NDUFAF3: variants seen among roughly 807,000 people sequenced by gnomAD.
NDUFAF3 encodes the protein NADH:ubiquinone oxidoreductase complex assembly factor 3.
In NDUFAF3, 21 loss-of-function variants were observed where a neutral mutation model predicts 22.6. The ratio of observed to expected loss-of-function variants is 0.93; its 90% confidence interval spans 0.66 to 1.34. The LOEUF is 1.34. Among genes scored for constraint, NDUFAF3 ranks in the 40% most tolerant of loss-of-function variants. NDUFAF3 has a pLI of 0.00. For missense variants in NDUFAF3, 251 were observed against 248.4 expected, an observed-to-expected ratio of 1.01 and a Z score of -0.07; for synonymous variants, 113 against 104.9, an observed-to-expected ratio of 1.08 and a Z score of -0.47.
At chr3:49,022,064 A>G, upstream of NDUFAF3, 1 of 1,461,896 alleles carries the variant, frequency 6.8e-7, no homozygotes, top group Non-Finnish European at 9.3e-7. The surrounding 1 kb of genome is among the most constrained non-coding windows in gnomAD (Gnocchi z 6.6). Flanking sequence ...CGCTGCAGCC[A>G]CGCTGGGTCA....
At position 49,023,238 on chromosome 3, in the gene NDUFAF3, C is replaced by T; in HGVS notation, c.*66C>T. 1 of 1,163,554 alleles carries T rather than the reference C, an allele frequency of 8.6e-7. No homozygotes were observed. The highest frequency in any genetic ancestry group is 1.3e-6 in the Non-Finnish European group (1 of 770,428). 72.1% of individuals were successfully genotyped at this position (1,163,554 alleles called of 1,614,324 possible). On this transcript the variant is annotated 3_prime_UTR_variant, in exon 5 of 5. Transcript: ENST00000326925. Reference sequence around the variant, plus strand: ...TCCCAATGCTTTCACTCTTATCTACCCTTTGGCACTTATCTTGCTTATCAA... The same window carrying T: ...TCCCAATGCTTTCACTCTTATCTACTCTTTGGCACTTATCTTGCTTATCAA...
rs1202903345 is a variant in NDUFAF3, at chr3:49,022,234, C to G, written c.77+13C>G. 1 of 1,610,488 alleles carries G rather than the reference C, an allele frequency of 6.2e-7. No homozygotes were observed. Among genetic ancestry groups the G allele is most frequent in the African/African-American group, 1.3e-5 (1 of 75,040 alleles). On this transcript the variant is annotated intron_variant, in intron 1 of 4. Coordinates refer to ENST00000326925, the MANE Select transcript of NDUFAF3 (RefSeq NM_199069.2). The surrounding 1 kb of genome is among the most constrained non-coding windows in gnomAD (Gnocchi z 6.6). ...TTGAGCTTCCCTGGTGAGCTTGGAC[C>G]CCGCGCCCTCGACCATCCAGCCCCC...
chr3:49,022,550 C>G lies in NDUFAF3; in HGVS notation c.270+12C>G. The G allele has an allele frequency of 6.2e-7, 1 of 1,613,360 alleles. No homozygotes were observed. Among genetic ancestry groups the G allele is most frequent in the South Asian group, 1.1e-5 (1 of 91,076 alleles). On this transcript the variant is annotated intron_variant, in intron 2 of 4. Coordinates refer to ENST00000326925, the MANE Select transcript of NDUFAF3 (RefSeq NM_199069.2). This position sits in a 1 kb window ranked among gnomAD's most constrained non-coding sequence, Gnocchi z 6.6. ...TGGTGCAGTGGAACGTGAGTCCTGGCCCGCAGTGTGGAAACTGAGGCCCAG... is the reference window on the plus strand; with the variant it reads ...TGGTGCAGTGGAACGTGAGTCCTGGGCCGCAGTGTGGAAACTGAGGCCCAG...
At chr3:49,020,990 C>G (rs2093151340), upstream of NDUFAF3, 1 of 167,966 alleles carries the variant, frequency 6.0e-6, no homozygotes, top group South Asian at 1.0e-4. Flanking sequence ...GGGCGGGCTT[C>G]GGAATCCGTC....
chr3:49,022,796 G>C lies in NDUFAF3; in HGVS notation c.337+28G>C. On this transcript the variant is annotated intron_variant, in intron 3 of 4. Transcript: ENST00000326925. This position sits in a 1 kb window ranked among gnomAD's most constrained non-coding sequence, Gnocchi z 6.6. ...ACTGGGGAAGGGGAGGGAGAACAGA[G>C]GTGTTCTGGGCCCCAGAAGGCGACC... The C allele has an allele frequency of 6.2e-7, 1 of 1,613,468 alleles. No individual in the cohort carries two copies. The highest frequency in any genetic ancestry group is 8.5e-7 in the Non-Finnish European group (1 of 1,179,710).
At chr3:49,021,528 A>AT (rs2093157391), upstream of NDUFAF3, 1 of 155,554 alleles carries the variant, frequency 6.4e-6, no homozygotes, top group South Asian at 1.7e-4. This position sits in a 1 kb window ranked among gnomAD's most constrained non-coding sequence, Gnocchi z 4.1. Context: ...ACTTGGAGCC[A>AT]TTTTAAGGAG....
Position 49,022,626 on chromosome 3 carries a change from TCTC to T in NDUFAF3, c.271-70_271-68del. On this transcript the variant is annotated intron_variant, in intron 2 of 4. Transcript: ENST00000326925. This position sits in a 1 kb window ranked among gnomAD's most constrained non-coding sequence, Gnocchi z 6.6. ...TCCCTGCAAACTTGGCTTTCCTCTG[TCTC>T]CTCCTGCAGTGGATGGAGATGGGGA... The T allele has an allele frequency of 1.2e-6, 2 of 1,612,982 alleles. No homozygotes were observed. Among genetic ancestry groups the T allele is most frequent in the Non-Finnish European group, 1.7e-6 (2 of 1,179,172 alleles).
rs1395410830 is a variant in NDUFAF3, at chr3:49,022,966, T to C, written c.428T>C (p.Val143Ala). ...AGGCAGCGGGGCATTGCTGTGGAAG[T>C]GCAGGACACGGTGAGTCCCGGGACT... ...AMRQRGIAVE[V>A]QDTPNACATF... Residue 143 changes from valine (V) to alanine (A), a missense_variant, in exon 4 of 5, where the codon GTG becomes GCG. Coordinates refer to ENST00000326925, the MANE Select transcript of NDUFAF3 (RefSeq NM_199069.2). This position sits in a 1 kb window ranked among gnomAD's most constrained non-coding sequence, Gnocchi z 6.6. The C allele has an allele frequency of 1.1e-5, 18 of 1,613,902 alleles. No homozygotes were observed. The highest frequency in any genetic ancestry group is 1.6e-4 in the Middle Eastern group (1 of 6,082).
chr3:49,022,038 TC>T, upstream of NDUFAF3: 1 of 1,244,626 alleles, frequency 8.0e-7, no homozygotes, highest in Non-Finnish European at 1.1e-6. This position sits in a 1 kb window ranked among gnomAD's most constrained non-coding sequence, Gnocchi z 6.6. Flanking sequence ...TGCGGTGCCC[TC>T]CGGGACGCAG....
chr3:49,021,925 G>C, upstream of NDUFAF3: 1 of 594,356 alleles, frequency 1.7e-6, no homozygotes, highest in Non-Finnish European at 3.0e-6. This position sits in a 1 kb window ranked among gnomAD's most constrained non-coding sequence, Gnocchi z 4.1. Flanking sequence ...GCAAGGGCCC[G>C]GGGCGGGGAG....
rs747219441 is a variant in NDUFAF3 at position 49,022,488 on chromosome 3, C to T, written c.220C>T (p.Arg74Cys). Residue 74 changes from arginine to cysteine, a missense_variant, in exon 2 of 5, where the codon CGC becomes TGC. Coordinates refer to ENST00000326925, the MANE Select transcript of NDUFAF3 (RefSeq NM_199069.2). The surrounding 1 kb of genome is among the most constrained non-coding windows in gnomAD (Gnocchi z 6.6). ...NSRGFMINGN[R>C]VLGPCALLPH... ...CCGCGGCTTCATGATAAACGGAAAC[C>T]GCGTGCTCGGCCCCTGCGCTCTGCT... The T allele has an allele frequency of 8.1e-6, 13 of 1,613,004 alleles. No individual in the cohort carries two copies. Among genetic ancestry groups the T allele is most frequent in the Non-Finnish European group, 1.1e-5 (13 of 1,179,984 alleles).
chr3:49,021,665 G>T, upstream of NDUFAF3: 1 of 172,196 alleles, frequency 5.8e-6, no homozygotes, highest in South Asian at 1.1e-4. This position sits in a 1 kb window ranked among gnomAD's most constrained non-coding sequence, Gnocchi z 4.1. Flanking sequence ...GTGCTTCCGC[G>T]TCTAGCCGGA....
upstream of NDUFAF3, chr3:49,020,814 G>C: frequency 5.2e-6 from 2 of 383,152 alleles, no homozygotes; most frequent in Non-Finnish European, 1.1e-5. Context: ...AGTAGGTTGT[G>C]AAACGGAGTC....
chr3:49,022,255 C>G lies in NDUFAF3; in HGVS notation c.77+34C>G. On this transcript the variant is annotated intron_variant, in intron 1 of 4. Transcript: ENST00000326925. The surrounding 1 kb of genome is among the most constrained non-coding windows in gnomAD (Gnocchi z 6.6). ...GGACCCCGCGCCCTCGACCATCCAG[C>G]CCCCTAGGGCCGGCGACTGCCAGCC... 1 of 1,609,244 alleles carries G rather than the reference C, an allele frequency of 6.2e-7. No homozygotes were observed. Among genetic ancestry groups the G allele is most frequent in the Non-Finnish European group, 8.5e-7 (1 of 1,179,264 alleles).
chr3:49,020,610 C>T (rs1221513055), upstream of NDUFAF3: 5 of 483,402 alleles, frequency 1.0e-5, 1 homozygote, highest in Admixed American at 1.1e-4. Flanking sequence ...TGGGCCAGGG[C>T]GCTGCTCAGG....
Position 49,022,632 on chromosome 3 carries a change from C to T in NDUFAF3, c.271-70C>T. On this transcript the variant is annotated intron_variant, in intron 2 of 4. Transcript: ENST00000326925. This position sits in a 1 kb window ranked among gnomAD's most constrained non-coding sequence, Gnocchi z 6.6. The stretch of plus-strand genomic sequence containing the variant: ...CAAACTTGGCTTTCCTCTGTCTCCT[C>T]CTGCAGTGGATGGAGATGGGGAGAG... 1 of 1,611,962 alleles carries T rather than the reference C, an allele frequency of 6.2e-7. No homozygotes were observed.
At chr3:49,020,487 GCCTCGGCTCT>G (rs2093144262), upstream of NDUFAF3, 1 of 386,362 alleles carries the variant, frequency 2.6e-6, no homozygotes, top group Non-Finnish European at 5.4e-6. Context: ...ATGGCCACCA[GCCTCGGCTCT>G]CCCACGTCTA....
Position 49,022,703 on chromosome 3 carries a change from T to TG in NDUFAF3, c.275dup (p.Ser93IlefsTer67). On this transcript the variant is annotated frameshift_variant and splice_region_variant, in exon 3 of 5. Transcript: ENST00000326925. LOFTEE classifies it high-confidence loss of function. The surrounding 1 kb of genome is among the most constrained non-coding windows in gnomAD (Gnocchi z 6.6). ...TAAATGTGCCTCCTCCCTGCACAGG[T>TG]GGGATCCCACCAGGACATCACCGAA... The TG allele has an allele frequency of 6.2e-7, 1 of 1,614,044 alleles. No individual in the cohort carries two copies. Among genetic ancestry groups the TG allele is most frequent in the Non-Finnish European group, 8.5e-7 (1 of 1,180,006 alleles).
In NDUFAF3 at chr3:49,022,546, C is replaced by G; in HGVS notation, c.270+8C>G. On this transcript the variant is annotated splice_region_variant and intron_variant, in intron 2 of 4. Transcript: ENST00000326925. The surrounding 1 kb of genome is among the most constrained non-coding windows in gnomAD (Gnocchi z 6.6). ...TCGGTGGTGCAGTGGAACGTGAGTC[C>G]TGGCCCGCAGTGTGGAAACTGAGGC... The G allele has an allele frequency of 1.2e-6, 2 of 1,613,370 alleles. No homozygotes were observed. The highest frequency in any genetic ancestry group is 1.3e-5 in the African/African-American group (1 of 75,068).
Sources: gnomAD v4.1 joint callset for allele counts on GRCh38, gnomAD v4.1.1 for gene constraint, Gnocchi (gnomAD v3.1) non-coding constraint, MANE v1.5 for transcripts, NCBI Gene and HGNC (gene_info 2026-07-23, HGNC 2026-07-21) for gene names.